Variants in UBE2U observed in about 807,000 individuals in gnomAD.
UBE2U encodes ubiquitin conjugating enzyme E2 U.
Under a neutral mutation model 41.2 loss-of-function variants are expected in UBE2U, and 39 were observed. That is an observed-to-expected ratio of 0.95 (90% CI 0.73 to 1.24). The LOEUF is 1.24. Among genes scored for constraint, UBE2U ranks in the 50% most tolerant of loss-of-function variants. UBE2U has a pLI of 0.00. For missense variants in UBE2U, 336 were observed against 363.1 expected (o/e 0.93, Z 0.61); for synonymous variants, 107 against 117.8 (o/e 0.91, Z 0.60).
intron 7 of UBE2U, among the ~76,000 whole-genome samples, chr1:64,233,292 C>G (rs1183716811): frequency 6.6e-6 from 1 of 152,080 alleles, no homozygotes; most frequent in South Asian, 2.1e-4. Flanking sequence ...CAGGCGTGAG[C>G]CACCACACCC....
At chr1:64,205,200 A>C (rs938920916) in intron 1 of UBE2U, among the ~76,000 whole-genome samples, 13 of 152,226 alleles carry the variant, frequency 8.5e-5, no homozygotes, top group African/African-American at 2.7e-4. Context: ...TTTATATACA[A>C]GTGTAATTTT....
rs1032003093 is a variant in UBE2U at position 64,205,639 on chromosome 1, G to A, written c.67G>A (p.Gly23Ser). The change falls in exon 2 of 10, where the codon GGT (glycine) becomes AGT (serine). Residue 23 changes from glycine (G) to serine (S), a missense_variant and splice_region_variant. Transcript: ENST00000371077. ...FCDLKENNYK[G>S]ITAKPVSEDM... ...ATTTAATTTTGTTTTTAACTTCAAG[G>A]GTATCACTGCTAAGCCTGTAAGTGA... 6 of 1,607,126 alleles carry A rather than the reference G, an allele frequency of 3.7e-6. No homozygotes were observed. The highest frequency in any genetic ancestry group is 3.3e-4 in the Middle Eastern group (2 of 6,036).
At position 64,211,483 on chromosome 1, in the gene UBE2U, A is replaced by G. The variant is rs566238953; in HGVS notation, c.339+644A>G. Among the ~76,000 whole-genome samples, 3 of 152,236 alleles carry G rather than the reference A, an allele frequency of 2.0e-5. No individual in the cohort carries two copies. The East Asian group carries it at 5.8e-4, about 29-fold the overall frequency. ...GAGACAGGATCTTGCTCTGTCACCC[A>G]GGCTAGAGTGCAACGGCACAATCCT... On this transcript the variant is annotated intron_variant, in intron 4 of 9. Transcript: ENST00000371077.
intron 7 of UBE2U, among the ~76,000 whole-genome samples, chr1:64,233,335 C>T (rs1029510366): frequency 4.6e-5 from 7 of 151,984 alleles, no homozygotes; most frequent in African/African-American, 1.5e-4. Flanking sequence ...GATGGGGTCT[C>T]ACTATGTTGT....
At chr1:64,241,400 T>C (rs958227055) in intron 7 of UBE2U, among the ~76,000 whole-genome samples, 2 of 152,192 alleles carry the variant, frequency 1.3e-5, no homozygotes, top group Non-Finnish European at 2.9e-5. Context: ...ATAAAGGATA[T>C]ATAATGTTTT....
At chr1:64,228,556 A>G (rs987544598) in intron 6 of UBE2U, among the ~76,000 whole-genome samples, 6 of 152,158 alleles carry the variant, frequency 3.9e-5, no homozygotes, top group African/African-American at 1.4e-4. Context: ...GGGATGGATA[A>G]CAGAAGAAAA....
intron 7 of UBE2U, among the ~76,000 whole-genome samples, chr1:64,239,135 G>GAA (rs1444798308): frequency 6.3e-4 from 18 of 28,696 alleles, no homozygotes; most frequent in African/African-American, 9.4e-4. Context: ...AGAAGAAGAA[G>GAA]AAGAAGAAGA....
intron 4 of UBE2U, among the ~76,000 whole-genome samples, chr1:64,212,767 T>C (rs1651738554): frequency 6.6e-6 from 1 of 152,118 alleles, no homozygotes. Flanking sequence ...CCTCAAAAAG[T>C]TTTGAATTCT....
rs375674085 is a variant in UBE2U at position 64,205,757 on chromosome 1, G to C, written c.148+37G>C. 7.8e-6 allele frequency: 12 copies of C among 1,545,814 alleles called. No homozygotes were observed. The African/African-American group carries it at 9.6e-5, about 12-fold the overall frequency. ...CAAAACCAATCTATTTTTTAAAAAA[G>C]TCTTTATACCATTATTAGCCCATCC... is the stretch of plus-strand genomic sequence containing the variant. On this transcript the variant is annotated intron_variant, in intron 2 of 9. Transcript: ENST00000371077.
rs141234334 is a variant in UBE2U, at chr1:64,261,396, T to C, written c.769+702T>C. Among the ~76,000 whole-genome samples, 357 of 152,306 alleles carry C rather than the reference T, an allele frequency of 2.3e-3. 2 individuals carry two copies. The highest frequency in any genetic ancestry group is 8.0e-3 in the African/African-American group (333 of 41,582). ...ATTCTTATGACTAAGTGACTCCATG[T>C]ATAGACAATTTCTTTGTGAACTGAA... On this transcript the variant is annotated intron_variant, in intron 9 of 9. Transcript: ENST00000371077.
chr1:64,238,250 C>T (rs1465333364), intron 7 of UBE2U, among the ~76,000 whole-genome samples: 6 of 151,972 alleles, frequency 3.9e-5, no homozygotes, highest in East Asian at 3.9e-4. Flanking sequence ...ACTAAAAATA[C>T]AAAAATTAGC....
intron 5 of UBE2U, among the ~76,000 whole-genome samples, chr1:64,219,981 G>A (rs1652325247): frequency 6.6e-6 from 1 of 152,074 alleles, no homozygotes. Flanking sequence ...TGAGAAAAAT[G>A]TTTCTGTTTC....
intron 8 of UBE2U, among the ~76,000 whole-genome samples, chr1:64,252,447 T>G (rs959008057): frequency 4.6e-5 from 7 of 152,182 alleles, no homozygotes; most frequent in Non-Finnish European, 8.8e-5. Context: ...TCCTCCTGAC[T>G]GGGAGAGACC....
At chr1:64,209,962 G>A (rs111363767) in intron 3 of UBE2U, among the ~76,000 whole-genome samples, 3 of 152,228 alleles carry the variant, frequency 2.0e-5, no homozygotes, top group African/African-American at 7.2e-5. Context: ...ACAATTGACA[G>A]TGCTATCACA....
intron 2 of UBE2U, 138 bp downstream of exon 2, chr1:64,205,858 C>T: frequency 1.7e-6 from 1 of 583,700 alleles, no homozygotes; most frequent in Non-Finnish European, 2.8e-6. Context: ...TTGCATTATA[C>T]CAGTTGTCTA....
intron 8 of UBE2U, among the ~76,000 whole-genome samples, chr1:64,245,129 T>G (rs1035657725): frequency 2.0e-4 from 31 of 152,314 alleles, no homozygotes; most frequent in African/African-American, 7.0e-4. Flanking sequence ...AACATTGTCA[T>G]TATAAGCAGC....
At position 64,230,416 on chromosome 1, in the gene UBE2U, C is replaced by G. The variant is rs188699253; in HGVS notation, c.507-2145C>G. Among the ~76,000 whole-genome samples the G allele has an allele frequency of 5.7e-3, 867 of 152,278 alleles. 11 individuals carry two copies. The highest frequency in any genetic ancestry group is 0.02 in the African/African-American group (833 of 41,550). On this transcript the variant is annotated intron_variant, in intron 6 of 9. Transcript: ENST00000371077. The stretch of plus-strand genomic sequence containing the variant: ...ACCGTTCTCTGCCTAAATTTGAGGA[C>G]CCTGCACTGCCCAGTTTCACTTATC...
intron 6 of UBE2U, among the ~76,000 whole-genome samples, chr1:64,223,611 T>G (rs1652642530): frequency 6.6e-6 from 1 of 152,186 alleles, no homozygotes; most frequent in Admixed American, 6.5e-5. Context: ...AATCAGCATT[T>G]TATTGGGCCA....
At chr1:64,233,023 T>G (rs1042395826) in intron 7 of UBE2U, among the ~76,000 whole-genome samples, 1 of 151,790 alleles carries the variant, frequency 6.6e-6, no homozygotes, top group African/African-American at 2.4e-5. Context: ...TTTTTTTTTT[T>G]TCGAGATGGA....
Sources: allele counts gnomAD v4.1 joint callset (sites outside exome capture counted in the v4.1 genomes callset), GRCh38; gene constraint gnomAD v4.1.1; transcripts MANE v1.5; gene names NCBI Gene and HGNC (gene_info 2026-07-23, HGNC 2026-07-21).